TRAK1: variants seen among roughly 807,000 people sequenced by gnomAD.
TRAK1 encodes trafficking kinesin protein 1, also known as trafficking kinesin-binding protein 1.
TRAK1 carries 33 observed loss-of-function variants against 92.1 expected under a neutral mutation model. The observed-to-expected ratio is 0.36, with a 90% CI of 0.27 to 0.48. TRAK1 has a LOEUF of 0.48. TRAK1 is among the 20% of genes least tolerant of loss of function. The pLI, the probability that TRAK1 is intolerant of heterozygous loss-of-function variation, is 0.99. For missense variants in TRAK1, 1,123 were observed against 1,257.9 expected, an observed-to-expected ratio of 0.89 and a Z score of 1.62; for synonymous variants, 521 against 517.3, an observed-to-expected ratio of 1.01 and a Z score of -0.10.
chr3:42,024,733 C>T (rs1701853412), intron 1 of TRAK1, among the ~76,000 whole-genome samples: 2 of 152,202 alleles, frequency 1.3e-5, no homozygotes, highest in Admixed American at 6.5e-5. Context: ...GTACTTCATG[C>T]TTGCATACAC....
At chr3:42,126,772 T>C (rs972034456) in intron 2 of TRAK1, among the ~76,000 whole-genome samples, 4 of 152,234 alleles carry the variant, frequency 2.6e-5, no homozygotes, top group Non-Finnish European at 1.5e-5. Flanking sequence ...TTCTTGAATT[T>C]GTGAGATTAT....
At chr3:42,082,656 T>TAAA (rs533743684), upstream of TRAK1, among the ~76,000 whole-genome samples, 27 of 145,610 alleles carry the variant, frequency 1.9e-4, 1 homozygote, top group African/African-American at 6.8e-4. Context: ...GAGCCTTTGT[T>TAAA]AAAAAAAAAA....
At chr3:42,143,762 G>A (rs1698991262) in intron 2 of TRAK1, among the ~76,000 whole-genome samples, 1 of 152,140 alleles carries the variant, frequency 6.6e-6, no homozygotes, top group African/African-American at 2.4e-5. Flanking sequence ...GGCCGAGGGA[G>A]GGCTGTAACC....
chr3:42,202,926 G>C lies in TRAK1; in HGVS notation c.1744+174G>C. 1 of 1,407,406 alleles carries C rather than the reference G, an allele frequency of 7.1e-7. No homozygotes were observed. Among genetic ancestry groups the C allele is most frequent in the Non-Finnish European group, 9.3e-7 (1 of 1,080,352 alleles). The allele number at this position is 1,407,406 out of a possible 1,614,324, so 87.2% of individuals were successfully genotyped here. Reference sequence around the variant, plus strand: ...AGGGTGGTGCTCAGCCTAGGCCTCCGTCCCTCCCCTCTGGCTGGCAGGTGT... The same window carrying C: ...AGGGTGGTGCTCAGCCTAGGCCTCCCTCCCTCCCCTCTGGCTGGCAGGTGT... On this transcript the variant is annotated intron_variant, in intron 13 of 15. Transcript: ENST00000327628. The surrounding 1 kb of genome is among the most constrained non-coding windows in gnomAD (Gnocchi z 6.1).
At chr3:42,027,886 G>A (rs1388174434) in intron 1 of TRAK1, among the ~76,000 whole-genome samples, 2 of 152,068 alleles carry the variant, frequency 1.3e-5, no homozygotes, top group Non-Finnish European at 2.9e-5. Flanking sequence ...TTTCGCTCTC[G>A]TTGCCCAGGT....
intron 1 of TRAK1, among the ~76,000 whole-genome samples, chr3:42,116,962 C>G (rs1388609596): frequency 6.6e-6 from 1 of 152,140 alleles, no homozygotes; most frequent in Non-Finnish European, 1.5e-5. Context: ...TCCCAGTGTG[C>G]AGACTGGAGG....
Position 42,202,350 on chromosome 3 carries a change from G to A in TRAK1, c.1428-86G>A, listed in dbSNP as rs1005572683. The stretch of plus-strand genomic sequence containing the variant: ...GGAGAATCCTGTAGCCCCAGGGAAC[G>A]TCCACCGCTGTGCATTGAGCAGTCG... On this transcript the variant is annotated intron_variant, in intron 12 of 15. Transcript: ENST00000327628. This position sits in a 1 kb window ranked among gnomAD's most constrained non-coding sequence, Gnocchi z 6.1. 1.1e-5 allele frequency: 14 copies of A among 1,315,336 alleles called. No homozygotes were observed. In the South Asian group the frequency reaches 1.3e-4, roughly 13 times the overall value. The allele number at this position is 1,315,336 out of a possible 1,614,324, so 81.5% of individuals were successfully genotyped here.
chr3:42,209,100 G>A (rs563711429), intron 13 of TRAK1, among the ~76,000 whole-genome samples: 14 of 152,190 alleles, frequency 9.2e-5, no homozygotes, highest in Non-Finnish European at 1.9e-4. Context: ...TTAGACCTCT[G>A]TGTGGACTTA....
chr3:42,015,228 G>C (rs559086056), intron 1 of TRAK1, among the ~76,000 whole-genome samples: 91 of 152,336 alleles, frequency 6.0e-4, no homozygotes, highest in African/African-American at 1.8e-3. Context: ...CTTTGTCACA[G>C]AGGTTCCCAG....
intron 1 of TRAK1, among the ~76,000 whole-genome samples, chr3:42,038,197 C>T (rs1702395575): frequency 6.6e-6 from 1 of 152,152 alleles, no homozygotes; most frequent in South Asian, 2.1e-4. Flanking sequence ...CAGAGACGTC[C>T]CAGAAGTTTA....
chr3:42,112,962 G>A (rs1708655219), intron 1 of TRAK1, among the ~76,000 whole-genome samples: 1 of 151,902 alleles, frequency 6.6e-6, no homozygotes, highest in Admixed American at 6.6e-5. Context: ...GTAGAGATGA[G>A]GTCTTCCCAT....
At chr3:42,022,983 C>T (rs752946213) in intron 1 of TRAK1, among the ~76,000 whole-genome samples, 1 of 151,410 alleles carries the variant, frequency 6.6e-6, no homozygotes, top group Non-Finnish European at 1.5e-5. Context: ...ACGGTGAAAC[C>T]CTGTCTCCAC....
At chr3:42,213,153 G>GT (rs1227328260) in intron 14 of TRAK1, among the ~76,000 whole-genome samples, 1 of 148,344 alleles carries the variant, frequency 6.7e-6, no homozygotes, top group Non-Finnish European at 1.5e-5. Context: ...CCACCTCCCG[G>GT]TTCAAGTGCT....
Position 42,223,475 on chromosome 3 carries a change from C to A in TRAK1, c.2600C>A (p.Thr867Asn). Residue 867 changes from threonine to asparagine, a missense_variant, in exon 16 of 16, where the codon ACT becomes AAT. Physicochemically the swap from Thr to Asn is moderately conservative, Grantham distance 65. This residue lies in a region of TRAK1 where 401 missense variants were observed against 438.9 expected (regional missense o/e 0.91). Coordinates refer to ENST00000327628, the MANE Select transcript of TRAK1 (RefSeq NM_001042646.3). This position sits in a 1 kb window ranked among gnomAD's most constrained non-coding sequence, Gnocchi z 6.1. ...GGGCGAGCCCATGTCCCCACCTTGA[C>A]TGAGGAGCAGGGACCCCTCCTCTGT... ...NSGRAHVPTL[T>N]EEQGPLLCGP... is the part of the protein sequence containing the mutation. The A allele has an allele frequency of 6.2e-7, 1 of 1,613,928 alleles. No homozygotes were observed. The highest frequency in any genetic ancestry group is 8.5e-7 in the Non-Finnish European group (1 of 1,180,032).
At chr3:42,187,820 T>G (rs1255941790) in intron 4 of TRAK1, among the ~76,000 whole-genome samples, 6 of 152,200 alleles carry the variant, frequency 3.9e-5, no homozygotes, top group African/African-American at 7.2e-5. Flanking sequence ...AAGTAAAAAT[T>G]ATGAATTTAG....
At chr3:42,019,135 A>G (rs1016585672) in intron 1 of TRAK1, among the ~76,000 whole-genome samples, 11 of 152,136 alleles carry the variant, frequency 7.2e-5, no homozygotes, top group African/African-American at 1.7e-4. Context: ...AAAAGAAAAA[A>G]AAAGCATATT....
chr3:42,144,060 T>A (rs764589426), intron 2 of TRAK1, among the ~76,000 whole-genome samples: 1 of 152,200 alleles, frequency 6.6e-6, no homozygotes, highest in Admixed American at 6.5e-5. Context: ...CAAGCTGTGC[T>A]CAATAATGTG....
intron 2 of TRAK1, among the ~76,000 whole-genome samples, chr3:42,139,775 G>T (rs754732597): frequency 3.9e-5 from 6 of 152,112 alleles, no homozygotes; most frequent in African/African-American, 1.2e-4. Flanking sequence ...GACAAAGCTG[G>T]AACGGACTCA....
Position 42,125,448 on chromosome 3 carries a change from A to G in TRAK1, c.120A>G (p.Glu40=), listed in dbSNP as rs374392581. 1.1e-4 allele frequency: 175 copies of G among 1,614,062 alleles called. No homozygotes were observed. Among genetic ancestry groups the G allele is most frequent in the Non-Finnish European group, 1.3e-4 (153 of 1,180,038 alleles). ...CDVCNSTDLP[E]VEIISLLEEQ... is the part of the protein sequence containing the mutation. ...TGTGCAACAGCACCGATCTTCCGGA[A>G]GTCGAGATCATTAGCCTGCTGGAGG... Residue 40 remains glutamate, a synonymous_variant, in exon 2 of 16, where the codon GAA becomes GAG. Transcript: ENST00000327628.
Sources: allele counts gnomAD v4.1 joint callset (sites outside exome capture counted in the v4.1 genomes callset), GRCh38; gene constraint gnomAD v4.1.1; regional missense constraint gnomAD v4.1.1; non-coding constraint Gnocchi (gnomAD v3.1); transcripts MANE v1.5; gene names NCBI Gene and HGNC (gene_info 2026-07-23, HGNC 2026-07-21).